Variants in CPHXL2 observed in about 807,000 individuals in gnomAD.
CPHXL2 encodes cytoplasmic polyadenylated homeobox like 2, also known as cytoplasmic polyadenylated homeobox-like protein 2.
chr16:75,667,082 C>T, the CPHXL2 span, among the ~76,000 whole-genome samples: 16 of 152,088 alleles, frequency 1.1e-4, no homozygotes, highest in African/African-American at 2.9e-4. Context: ...GAGGCTGAGG[C>T]GGGCAGATCA....
At chr16:75,666,148 A>T in the CPHXL2 span, among the ~76,000 whole-genome samples, 26 of 152,198 alleles carry the variant, frequency 1.7e-4, no homozygotes, top group African/African-American at 5.8e-4. Flanking sequence ...ATCAGACAAC[A>T]CAAACTTTAA....
chr16:75,673,754 G>GA, the CPHXL2 span, among the ~76,000 whole-genome samples: 21 of 151,374 alleles, frequency 1.4e-4, no homozygotes, highest in African/African-American at 4.6e-4. Context: ...AAGCGGGGGC[G>GA]AATGGCTTGA....
the CPHXL2 span, among the ~76,000 whole-genome samples, chr16:75,671,681 AT>A: frequency 6.6e-6 from 1 of 152,208 alleles, no homozygotes; most frequent in South Asian, 2.1e-4. Flanking sequence ...CACAATAAAT[AT>A]TTTTTAAATG....
At chr16:75,664,625 CAA>C in the CPHXL2 span, among the ~76,000 whole-genome samples, 3,376 of 113,002 alleles carry the variant, frequency 0.03, 55 homozygotes, top group South Asian at 0.072. Flanking sequence ...AACTCCATCT[CAA>C]AAAAAAAAAA....
the CPHXL2 span, among the ~76,000 whole-genome samples, chr16:75,673,437 G>A: frequency 2.1e-4 from 32 of 150,642 alleles, no homozygotes; most frequent in African/African-American, 6.6e-4. Flanking sequence ...AGGATTACAG[G>A]CATGTAATCC....
chr16:75,666,607 T>TAA, the CPHXL2 span, among the ~76,000 whole-genome samples: 1 of 61,766 alleles, frequency 1.6e-5, no homozygotes, highest in Non-Finnish European at 2.9e-5. Context: ...AAACTCTATC[T>TAA]CAAAAAAAAA....
chr16:75,661,099 G>A, the CPHXL2 span: 3 of 400,672 alleles, frequency 7.5e-6, no homozygotes, highest in Admixed American at 1.3e-4. Flanking sequence ...GAAAAACTCT[G>A]CTCTGTGGCA....
chr16:75,663,278 A>C, the CPHXL2 span, among the ~76,000 whole-genome samples: 9 of 152,362 alleles, frequency 5.9e-5, no homozygotes, highest in Admixed American at 2.6e-4. Flanking sequence ...TGTTTAAAAC[A>C]AAACCATGAC....
the CPHXL2 span, among the ~76,000 whole-genome samples, chr16:75,664,905 C>G: frequency 6.6e-6 from 1 of 152,202 alleles, no homozygotes; most frequent in Non-Finnish European, 1.5e-5. Flanking sequence ...CAAGAAAACT[C>G]TCACCAGATG....
chr16:75,672,678 C>T, the CPHXL2 span, among the ~76,000 whole-genome samples: 1 of 152,060 alleles, frequency 6.6e-6, no homozygotes, highest in Admixed American at 6.6e-5. Context: ...AGAGACAGGC[C>T]TTCACCATGT....
chr16:75,671,481 T>G, the CPHXL2 span, among the ~76,000 whole-genome samples: 1 of 152,124 alleles, frequency 6.6e-6, no homozygotes, highest in African/African-American at 2.4e-5. Flanking sequence ...ACCAAATAAT[T>G]CACGTGTTGA....
At chr16:75,673,041 C>T in the CPHXL2 span, among the ~76,000 whole-genome samples, 1 of 135,252 alleles carries the variant, frequency 7.4e-6, no homozygotes. Context: ...TGCCACTGCA[C>T]TCCAGCTGGG....
chr16:75,676,870 A>T, the CPHXL2 span: 1 of 398,156 alleles, frequency 2.5e-6, no homozygotes, highest in Non-Finnish European at 4.4e-6. Flanking sequence ...TATCAAACTG[A>T]CTGCCCACAA....
chr16:75,662,041 G>A, the CPHXL2 span, among the ~76,000 whole-genome samples: 3 of 152,208 alleles, frequency 2.0e-5, no homozygotes, highest in Non-Finnish European at 4.4e-5. Flanking sequence ...TCCTTCAGAT[G>A]CCAGTTGCAA....
At chr16:75,663,879 C>CT in the CPHXL2 span, among the ~76,000 whole-genome samples, 2 of 103,032 alleles carry the variant, frequency 1.9e-5, no homozygotes, top group East Asian at 7.3e-4. Context: ...GAGCAAGACT[C>CT]TGTCTCAAAA....
the CPHXL2 span, among the ~76,000 whole-genome samples, chr16:75,675,162 C>T: frequency 6.7e-6 from 1 of 148,290 alleles, no homozygotes. Flanking sequence ...GCACTCCAGG[C>T]TGGGTGACAG....
chr16:75,669,851 G>A, the CPHXL2 span, among the ~76,000 whole-genome samples: 6 of 152,324 alleles, frequency 3.9e-5, no homozygotes, highest in South Asian at 2.1e-4. Context: ...CCACAATAGC[G>A]GAATCGGTAG....
the CPHXL2 span, among the ~76,000 whole-genome samples, chr16:75,662,422 C>T: frequency 2.6e-5 from 4 of 151,052 alleles, no homozygotes; most frequent in Non-Finnish European, 5.9e-5. Flanking sequence ...TAACCATCAG[C>T]GCCTTCCCCT....
the CPHXL2 span, among the ~76,000 whole-genome samples, chr16:75,670,141 C>T: frequency 1.3e-5 from 2 of 152,130 alleles, no homozygotes; most frequent in African/African-American, 2.4e-5. Context: ...GTCTTGAACT[C>T]CTGACCTTGT....
Sources: allele counts gnomAD v4.1 joint callset (sites outside exome capture counted in the v4.1 genomes callset), GRCh38; gene constraint gnomAD v4.1.1; transcripts MANE v1.5; gene names NCBI Gene and HGNC (gene_info 2026-07-23, HGNC 2026-07-21).